The following ANKRD17 variants were observed in gnomAD, a reference collection of about 807,000 sequenced individuals.
ANKRD17 encodes the protein ankyrin repeat domain 17.
ANKRD17 carries 19 observed loss-of-function variants against 229.7 expected under a neutral mutation model. That is an observed-to-expected ratio of 0.08 (90% CI 0.06 to 0.12). The LOEUF is 0.12. Ranked by LOEUF, ANKRD17 falls within the 10% of genes least tolerant of loss-of-function variation. The pLI is 1.00. For synonymous variants in ANKRD17, 1,112 were observed against 1,146.1 expected, an observed-to-expected ratio of 0.97 and a Z score of 0.60; for missense variants, 2,176 against 3,176.8, an observed-to-expected ratio of 0.68 and a Z score of 7.57.
At chr4:73,204,120 G>A (rs1739096719) in intron 1 of ANKRD17, among the ~76,000 whole-genome samples, 1 of 151,990 alleles carries the variant, frequency 6.6e-6, no homozygotes, top group African/African-American at 2.4e-5. Flanking sequence ...AGCACTTTGG[G>A]AGGCACAGGC....
chr4:73,132,014 T>C (rs563547120), intron 16 of ANKRD17, among the ~76,000 whole-genome samples: 4 of 152,172 alleles, frequency 2.6e-5, no homozygotes, highest in East Asian at 1.9e-4. Context: ...TTTATTTTCT[T>C]ATCAAAACAA....
intron 31 of ANKRD17, among the ~76,000 whole-genome samples, chr4:73,078,195 G>A (rs889473774): frequency 6.6e-6 from 1 of 152,072 alleles, no homozygotes; most frequent in Non-Finnish European, 1.5e-5. Context: ...TGGCTAACAC[G>A]GTGAAACCCC....
chr4:73,154,562 T>C (rs1731395569), intron 5 of ANKRD17, among the ~76,000 whole-genome samples: 1 of 152,176 alleles, frequency 6.6e-6, no homozygotes, highest in African/African-American at 2.4e-5. Context: ...ATATATGTTT[T>C]CATTACAACT....
intron 16 of ANKRD17, among the ~76,000 whole-genome samples, chr4:73,129,468 G>A (rs1727902086): frequency 6.6e-6 from 1 of 152,186 alleles, no homozygotes; most frequent in Admixed American, 6.5e-5. Flanking sequence ...GCTCATGCCT[G>A]TAATCCCAAC....
At chr4:73,191,341 A>ATATATGTGTGTGTGTGTGTGTGTGTG (rs1553933228) in intron 1 of ANKRD17, among the ~76,000 whole-genome samples, 1 of 125,242 alleles carries the variant, frequency 8.0e-6, no homozygotes, top group African/African-American at 3.1e-5. Context: ...AAAAATATAT[A>ATATATGTGTGTGTGTGTGTGTGTGTG]TGTGTGTGTG....
chr4:73,120,793 G>T, intron 20 of ANKRD17, 88 bp downstream of exon 20: 3 of 1,157,822 alleles, frequency 2.6e-6, no homozygotes, highest in Admixed American at 4.8e-5. Flanking sequence ...TTACTAGAAA[G>T]AACTAAAATT....
intron 1 of ANKRD17, among the ~76,000 whole-genome samples, chr4:73,194,712 T>G (rs1005511702): frequency 1.3e-5 from 2 of 152,162 alleles, no homozygotes; most frequent in African/African-American, 4.8e-5. Context: ...GTAATACAGC[T>G]GAAACATCTG....
intron 1 of ANKRD17, among the ~76,000 whole-genome samples, chr4:73,257,378 GTTA>G (rs1304974189): frequency 3.9e-5 from 6 of 152,132 alleles, no homozygotes; most frequent in Non-Finnish European, 8.8e-5. Context: ...AAATTATAAA[GTTA>G]TTATGAAACC....
intron 8 of ANKRD17, among the ~76,000 whole-genome samples, chr4:73,147,673 A>G (rs1730463760): frequency 6.6e-6 from 1 of 152,118 alleles, no homozygotes; most frequent in African/African-American, 2.4e-5. Flanking sequence ...GCCAGAAGGT[A>G]CAAGTCGGGT....
intron 15 of ANKRD17, among the ~76,000 whole-genome samples, chr4:73,137,466 G>A (rs1729053834): frequency 6.6e-6 from 1 of 152,112 alleles, no homozygotes; most frequent in South Asian, 2.1e-4. Context: ...AAAAGAAGAC[G>A]ATGAGACTAA....
At chr4:73,233,064 G>A (rs1743203758) in intron 1 of ANKRD17, among the ~76,000 whole-genome samples, 3 of 152,060 alleles carry the variant, frequency 2.0e-5, no homozygotes. Context: ...CATCCACTTA[G>A]GGTTTTTAAG....
chr4:73,140,199 C>A lies in ANKRD17; in HGVS notation c.2417G>T (p.Ser806Ile). The change falls in exon 15 of 34, where the codon AGC becomes ATC. Residue 806 changes from serine to isoleucine, a missense_variant. Ser to Ile is a moderately radical substitution (Grantham distance 142, BLOSUM62 -2). Transcript: ENST00000358602. ...QGYITNQSPE[S>I]IVEEAQGKLT... ...CTTTCCCTGAGCCTCTTCTACAATGCTCTCTGGAGACTGATTGGTGATGTA... is the reference window on the plus strand; with the variant it reads ...CTTTCCCTGAGCCTCTTCTACAATGATCTCTGGAGACTGATTGGTGATGTA... The A allele has an allele frequency of 6.2e-7, 1 of 1,614,030 alleles. No homozygotes were observed. The highest frequency in any genetic ancestry group is 8.5e-7 in the Non-Finnish European group (1 of 1,180,030).
At chr4:73,100,127 G>A (rs2148600045) in intron 25 of ANKRD17, among the ~76,000 whole-genome samples, 1 of 152,254 alleles carries the variant, frequency 6.6e-6, no homozygotes, top group Non-Finnish European at 1.5e-5. Context: ...TTTGTTCAGT[G>A]TTCCATTCTT....
chr4:73,162,414 AG>A (rs1732653124), intron 2 of ANKRD17, among the ~76,000 whole-genome samples: 1 of 151,872 alleles, frequency 6.6e-6, no homozygotes, highest in Non-Finnish European at 1.5e-5. Flanking sequence ...AGGGTAGTTT[AG>A]ATCTCCTAGT....
chr4:73,076,375 A>T, intron 33 of ANKRD17, 85 bp from the exon 34 acceptor site: 1 of 1,077,904 alleles, frequency 9.3e-7, no homozygotes, highest in Non-Finnish European at 1.3e-6. Flanking sequence ...CTAAGGAGGT[A>T]CTCTTCAATT....
chr4:73,219,317 T>C (rs1310897462), intron 1 of ANKRD17, among the ~76,000 whole-genome samples: 1 of 152,014 alleles, frequency 6.6e-6, no homozygotes, highest in Non-Finnish European at 1.5e-5. Flanking sequence ...TATAACAATG[T>C]GCCTTACAGA....
At chr4:73,189,357 A>C (rs1736719587) in intron 1 of ANKRD17, among the ~76,000 whole-genome samples, 1 of 151,884 alleles carries the variant, frequency 6.6e-6, no homozygotes, top group Non-Finnish European at 1.5e-5. Flanking sequence ...CACACACACA[A>C]ATAAAATTAA....
intron 1 of ANKRD17, among the ~76,000 whole-genome samples, chr4:73,246,975 C>A (rs1392153720): frequency 4.6e-5 from 7 of 152,030 alleles, no homozygotes; most frequent in Admixed American, 4.6e-4. Flanking sequence ...AAGAATAATA[C>A]ATTTTACTAA....
In ANKRD17 at chr4:73,125,225, T is replaced by C; in HGVS notation, c.3322A>G (p.Ser1108Gly). The C allele has an allele frequency of 1.9e-6, 3 of 1,613,432 alleles. No homozygotes were observed. The highest frequency in any genetic ancestry group is 2.7e-5 in the African/African-American group (2 of 74,900). ...CCTTTCTTGTCTCGGTGCTCTATACTAGCTCCTCTCTCTAGCAGTGTTTGT... is the reference window on the plus strand; with the variant it reads ...CCTTTCTTGTCTCGGTGCTCTATACCAGCTCCTCTCTCTAGCAGTGTTTGT... ...LVQTLLERGA[S>G]IEHRDKKGFT... The change falls in exon 17 of 34, where the codon AGT becomes GGT. Residue 1108 changes from serine to glycine, a missense_variant. By Grantham distance (56) the Ser-to-Gly change is moderately conservative. This residue lies in a region of ANKRD17 where 178 missense variants were observed against 421.7 expected (regional missense o/e 0.42). Coordinates refer to ENST00000358602, the MANE Select transcript of ANKRD17 (RefSeq NM_032217.5).
Sources: allele counts gnomAD v4.1 joint callset (sites outside exome capture counted in the v4.1 genomes callset), GRCh38; gene constraint gnomAD v4.1.1; regional missense constraint gnomAD v4.1.1; transcripts MANE v1.5; gene names NCBI Gene and HGNC (gene_info 2026-07-23, HGNC 2026-07-21).